The following HIVEP3 variants were observed in gnomAD, a reference collection of about 807,000 sequenced individuals.
HIVEP3 encodes transcription factor HIVEP3.
HIVEP3 carries 49 observed loss-of-function variants against 152.8 expected under a neutral mutation model. That is an observed-to-expected ratio of 0.32 (90% CI 0.26 to 0.41). The LOEUF (loss-of-function observed/expected upper bound fraction) is 0.41. Ranked by LOEUF, HIVEP3 falls within the 10% of genes least tolerant of loss-of-function variation. The pLI, the probability that HIVEP3 is intolerant of heterozygous loss-of-function variation, is 1.00. For synonymous variants in HIVEP3, 1,269 were observed against 1,289.0 expected (o/e 0.98, Z 0.33); for missense variants, 2,790 against 3,103.3 (o/e 0.90, Z 2.40).
At chr1:41,989,348 C>T (rs369394438) in intron 1 of HIVEP3, among the ~76,000 whole-genome samples, 7 of 151,978 alleles carry the variant, frequency 4.6e-5, no homozygotes, top group African/African-American at 1.7e-4. Flanking sequence ...TAAATATGTA[C>T]AATTTGTATT....
rs74986447 is a variant in HIVEP3, at chr1:41,636,222, A to G, written c.-720-7275T>C. Among the ~76,000 whole-genome samples, 1,284 of 152,332 alleles carry G rather than the reference A, an allele frequency of 8.4e-3. 20 individuals carry two copies. Among genetic ancestry groups the G allele is most frequent in the African/African-American group, 0.029 (1,216 of 41,578 alleles). The stretch of plus-strand genomic sequence containing the variant: ...ATGGCAAATAGTGGCAGGTGTTACA[A>G]TGAAAATTAAGCAGCAAAATGGGTA... On this transcript the variant is annotated intron_variant, in intron 2 of 8. Transcript: ENST00000372583.
At chr1:41,902,295 A>T (rs774219799) in intron 1 of HIVEP3, among the ~76,000 whole-genome samples, 10 of 152,096 alleles carry the variant, frequency 6.6e-5, no homozygotes, top group Non-Finnish European at 1.5e-4. Flanking sequence ...TTCCTAGATG[A>T]GTGATTCATT....
At chr1:41,757,176 C>T (rs139312013) in intron 1 of HIVEP3, among the ~76,000 whole-genome samples, 3,461 of 150,920 alleles carry the variant, frequency 0.023, 63 homozygotes, top group Non-Finnish European at 0.033. Context: ...AGCGCAGTGG[C>T]GTGATCTCGG....
intron 5 of HIVEP3, among the ~76,000 whole-genome samples, chr1:41,540,373 T>C (rs1402973464): frequency 1.3e-5 from 2 of 152,218 alleles, no homozygotes; most frequent in African/African-American, 4.8e-5. Flanking sequence ...TTTTGATCTA[T>C]CTGAATGGGG....
intron 1 of HIVEP3, among the ~76,000 whole-genome samples, chr1:42,016,381 T>A (rs4660595): frequency 0.72 from 109,756 of 152,032 alleles, 39,934 homozygotes; most frequent in East Asian, 0.96. Context: ...AAACTGGTAA[T>A]ATACAGACAA....
chr1:41,643,890 C>CTTTT (rs58838768), intron 2 of HIVEP3, among the ~76,000 whole-genome samples: 1 of 71,980 alleles, frequency 1.4e-5, no homozygotes, highest in Non-Finnish European at 2.4e-5. Context: ...TTCCCATCCT[C>CTTTT]TTTTTTTTTT....
intron 1 of HIVEP3, among the ~76,000 whole-genome samples, chr1:42,017,177 T>C (rs1645528108): frequency 6.6e-6 from 1 of 152,148 alleles, no homozygotes; most frequent in African/African-American, 2.4e-5. Flanking sequence ...TTCCAATTCA[T>C]GTTTCTGAGA....
At chr1:41,803,326 G>T (rs910497940) in intron 1 of HIVEP3, among the ~76,000 whole-genome samples, 1 of 152,178 alleles carries the variant, frequency 6.6e-6, no homozygotes, top group African/African-American at 2.4e-5. Flanking sequence ...TCTTTATAAA[G>T]GTGACCAGCC....
At position 41,506,905 on chromosome 1, in the gene HIVEP3, T is replaced by G. The variant is rs1355226592; in HGVS notation, c.*3546A>C. On this transcript the variant is annotated 3_prime_UTR_variant, in exon 9 of 9. Transcript: ENST00000372583. ...GCACGTTTCTTTTTTCTGTTTCTTT[T>G]CTTTCTTTCTTTTTTTACATACTAG... 1 of 151,820 alleles carries G rather than the reference T, an allele frequency of 6.6e-6. No homozygotes were observed. Among genetic ancestry groups the G allele is most frequent in the Non-Finnish European group, 1.5e-5 (1 of 67,998 alleles). The allele number at this position is 151,820 out of a possible 1,614,324, so 9.4% of individuals were successfully genotyped here. A position where few individuals can be genotyped will look rare whatever the true frequency, so the allele number is the denominator to read the frequency against.
intron 3 of HIVEP3, among the ~76,000 whole-genome samples, chr1:41,603,900 C>A (rs1570077063): frequency 6.6e-6 from 1 of 152,176 alleles, no homozygotes; most frequent in African/African-American, 2.4e-5. Flanking sequence ...TGTTGATATT[C>A]TATCCGTTAT....
Position 41,939,058 on chromosome 1 carries a change from G to A in HIVEP3, n.120-20534C>T, listed in dbSNP as rs78447245. ...CTTATACCTCGGAGGCAGCAGTAAC[G>A]GTTTTTACTAAAACCCTTTAGGATT... On this transcript the variant is annotated intron_variant and non_coding_transcript_variant, in intron 1 of 3. Coordinates refer to the HIVEP3 transcript ENST00000489103. Among the ~76,000 whole-genome samples the A allele has an allele frequency of 2.1e-3, 314 of 152,162 alleles. 1 individual carries two copies. The highest frequency in any genetic ancestry group is 7.0e-3 in the African/African-American group (292 of 41,488).
At chr1:41,979,449 G>A (rs1645282870) in intron 1 of HIVEP3, among the ~76,000 whole-genome samples, 1 of 152,194 alleles carries the variant, frequency 6.6e-6, no homozygotes, top group South Asian at 2.1e-4. Flanking sequence ...TTGTCCACAA[G>A]CTCTCAGCTA....
chr1:41,891,740 G>A (rs927421574), intron 1 of HIVEP3, among the ~76,000 whole-genome samples: 1 of 152,242 alleles, frequency 6.6e-6, no homozygotes, highest in Non-Finnish European at 1.5e-5. Context: ...TTAAAGCACA[G>A]CTCGCTCAAG....
intron 1 of HIVEP3, among the ~76,000 whole-genome samples, chr1:41,909,570 G>T (rs1183482500): frequency 6.6e-6 from 1 of 152,014 alleles, no homozygotes; most frequent in East Asian, 1.9e-4. Flanking sequence ...GATTGAACAA[G>T]CATACAAACA....
chr1:41,938,928 C>T (rs1484443201), intron 1 of HIVEP3, among the ~76,000 whole-genome samples: 1 of 152,174 alleles, frequency 6.6e-6, no homozygotes, highest in African/African-American at 2.4e-5. Flanking sequence ...CAAAGCCAGC[C>T]TTTCTGGACT....
intron 1 of HIVEP3, among the ~76,000 whole-genome samples, chr1:41,753,245 T>C (rs542341604): frequency 1.1e-4 from 17 of 152,340 alleles, no homozygotes; most frequent in Admixed American, 1.1e-3. Context: ...AAGTGTTTTT[T>C]TAATGTGCAT....
At chr1:41,865,184 G>A (rs762923500) in intron 1 of HIVEP3, among the ~76,000 whole-genome samples, 4 of 152,006 alleles carry the variant, frequency 2.6e-5, no homozygotes, top group African/African-American at 7.3e-5. Context: ...TCATATCATC[G>A]TTCACGCCAT....
At chr1:41,980,746 G>A (rs988446935) in intron 1 of HIVEP3, among the ~76,000 whole-genome samples, 92 of 152,268 alleles carry the variant, frequency 6.0e-4, no homozygotes, top group African/African-American at 2.1e-3. Context: ...AACCGTCTGA[G>A]GGCCATGGGC....
chr1:41,550,565 T>A (rs1189201273), intron 5 of HIVEP3, among the ~76,000 whole-genome samples: 1 of 152,216 alleles, frequency 6.6e-6, no homozygotes. Flanking sequence ...GGTTTCTTTG[T>A]AGGTCTCCTT....
Sources: gnomAD v4.1 joint callset for allele counts (sites outside exome capture counted in the v4.1 genomes callset) on GRCh38, gnomAD v4.1.1 for gene constraint, MANE v1.5 for transcripts, NCBI Gene and HGNC (gene_info 2026-07-23, HGNC 2026-07-21) for gene names.